The following CD86 variants were observed in gnomAD, a reference collection of about 807,000 sequenced individuals.
CD86 encodes CD86 molecule, also known as T-lymphocyte activation antigen CD86.
In CD86, 11 loss-of-function variants were observed where a neutral mutation model predicts 32.1. That is an observed-to-expected ratio of 0.34 (90% confidence interval 0.22 to 0.57). CD86 has a LOEUF of 0.57. CD86 is among the 20% of genes least tolerant of loss of function. The probability of loss-of-function intolerance (pLI) is 0.86; values close to 1 mark genes in which losing one functional copy is unlikely to be tolerated. For missense variants in CD86, 359 were observed against 398.4 expected (o/e 0.90, Z 0.84); for synonymous variants, 137 against 135.3 (o/e 1.01, Z -0.09).
At chr3:122,074,843 G>A (rs1364964463) in intron 1 of CD86, among the ~76,000 whole-genome samples, 1 of 152,104 alleles carries the variant, frequency 6.6e-6, no homozygotes, top group Non-Finnish European at 1.5e-5. Flanking sequence ...GGAGGAAGCA[G>A]CCCCACACAG....
chr3:122,105,153 C>T (rs1167960523), intron 3 of CD86, among the ~76,000 whole-genome samples: 1 of 152,130 alleles, frequency 6.6e-6, no homozygotes, highest in East Asian at 1.9e-4. Flanking sequence ...TGGTCAGGTA[C>T]CATTGGAAAT....
chr3:122,106,216 A>C lies in CD86; in HGVS notation c.419A>C (p.Glu140Ala), dbSNP rs1403330998. ...LSVLANFSQP[E>A]IVPISNITEN... is the part of the protein sequence containing the mutation. The stretch of plus-strand genomic sequence containing the variant: ...CTTTCAGCTAACTTCAGTCAACCTG[A>C]AATAGTACCAATTTCTAATATAACA... Residue 140 changes from glutamate to alanine, a missense_variant, in exon 4 of 7, where the codon GAA becomes GCA. Physicochemically the swap from Glu to Ala is moderately radical, Grantham distance 107 (BLOSUM62 -1). Coordinates refer to ENST00000330540, the MANE Select transcript of CD86 (RefSeq NM_175862.5). The C allele has an allele frequency of 6.2e-7, 1 of 1,607,384 alleles. No individual in the cohort carries two copies. Among genetic ancestry groups the C allele is most frequent in the South Asian group, 1.1e-5 (1 of 89,682 alleles).
intron 5 of CD86, among the ~76,000 whole-genome samples, chr3:122,116,096 T>A (rs2073246189): frequency 6.6e-6 from 1 of 152,162 alleles, no homozygotes; most frequent in African/African-American, 2.4e-5. Flanking sequence ...GTTAGGCAAG[T>A]CTTCTTAGAT....
chr3:122,104,890 T>C (rs1187785841), intron 3 of CD86, among the ~76,000 whole-genome samples: 7 of 152,196 alleles, frequency 4.6e-5, no homozygotes, highest in Admixed American at 6.5e-5. Context: ...AACGTTCATG[T>C]ACAGGTTTTT....
At chr3:122,071,306 CT>C (rs1181022784) in intron 1 of CD86, among the ~76,000 whole-genome samples, 1 of 152,148 alleles carries the variant, frequency 6.6e-6, no homozygotes, top group African/African-American at 2.4e-5. Flanking sequence ...TCCCCAACCC[CT>C]GGAAACCACT....
chr3:122,064,059 C>A (rs2072378681), intron 1 of CD86, among the ~76,000 whole-genome samples: 1 of 151,968 alleles, frequency 6.6e-6, no homozygotes, highest in Non-Finnish European at 1.5e-5. Flanking sequence ...GATGAATCAG[C>A]CAAACAAGAG....
chr3:122,059,535 C>CAAAAAAAAA (rs35060876), intron 1 of CD86, among the ~76,000 whole-genome samples: 1 of 67,960 alleles, frequency 1.5e-5, no homozygotes, highest in African/African-American at 6.0e-5. Flanking sequence ...GACTCCGTCT[C>CAAAAAAAAA]AAAAAAAAAA....
At chr3:122,055,569 T>G in intron 1 of CD86, 66 bp downstream of exon 1, 10 of 1,428,048 alleles carry the variant, frequency 7.0e-6, no homozygotes, top group African/African-American at 1.4e-5. Flanking sequence ...AGGCTGAGGT[T>G]GAAGATGGTG....
At chr3:122,110,536 A>G (rs1390895616) in intron 5 of CD86, among the ~76,000 whole-genome samples, 1 of 152,200 alleles carries the variant, frequency 6.6e-6, no homozygotes, top group Non-Finnish European at 1.5e-5. Context: ...TACTGATTTT[A>G]AAATCTAACT....
At chr3:122,108,877 C>T (rs2715259) in intron 4 of CD86, among the ~76,000 whole-genome samples, 136,639 of 152,198 alleles carry the variant, frequency 0.9, 61,662 homozygotes, top group East Asian at 1. Context: ...ACTTCAGGGC[C>T]TGGGAACTGA....
chr3:122,075,123 C>T (rs1037194819), intron 1 of CD86, among the ~76,000 whole-genome samples: 1 of 151,588 alleles, frequency 6.6e-6, no homozygotes, highest in Non-Finnish European at 1.5e-5. Context: ...TGGTCAGCAA[C>T]CCCCTGCAAC....
At chr3:122,081,461 A>T (rs2072632869) in intron 1 of CD86, among the ~76,000 whole-genome samples, 1 of 152,268 alleles carries the variant, frequency 6.6e-6, no homozygotes, top group African/African-American at 2.4e-5. Flanking sequence ...TTTGAGACCC[A>T]TTAAACAGAT....
Position 122,108,560 on chromosome 3 carries a change from C to T in CD86, c.704-705C>T, listed in dbSNP as rs1029398022. ...TTCCCAAAAATGTCTTTAAAGTGGG[C>T]GACTCCGTTCTAAGTTTTCCCCACA... On this transcript the variant is annotated intron_variant, in intron 4 of 6. Transcript: ENST00000330540. Among the ~76,000 whole-genome samples the T allele has an allele frequency of 3.9e-5, 6 of 152,240 alleles. No individual in the cohort carries two copies. In the East Asian group the frequency reaches 5.8e-4, roughly 15 times the overall value.
intron 1 of CD86, among the ~76,000 whole-genome samples, chr3:122,083,813 T>G (rs940214297): frequency 6.6e-6 from 1 of 152,220 alleles, no homozygotes; most frequent in Non-Finnish European, 1.5e-5. Flanking sequence ...CCAAAAAATT[T>G]AAAATATTCG....
In CD86 at chr3:122,091,651, G is replaced by A; in HGVS notation, c.64+1G>A. 1 of 1,611,936 alleles carries A rather than the reference G, an allele frequency of 6.2e-7. No individual in the cohort carries two copies. Among genetic ancestry groups the A allele is most frequent in the Non-Finnish European group, 8.5e-7 (1 of 1,178,134 alleles). ...TTTGTGATGGCCTTCCTGCTCTCTG[G>A]TAAGAACCTTTCAGCTTTGTTAAGT... On this transcript the variant is annotated splice_donor_variant, in intron 2 of 6. Coordinates refer to ENST00000330540, the MANE Select transcript of CD86 (RefSeq NM_175862.5). LOFTEE classifies it high-confidence loss of function.
At chr3:122,115,509 C>G (rs916177804) in intron 5 of CD86, among the ~76,000 whole-genome samples, 4 of 151,902 alleles carry the variant, frequency 2.6e-5, no homozygotes, top group African/African-American at 9.6e-5. Context: ...AAATCTTACT[C>G]GAAAAGTTAT....
At chr3:122,055,620 C>A in intron 1 of CD86, 117 bp downstream of exon 1, 1 of 912,082 alleles carries the variant, frequency 1.1e-6, no homozygotes, top group Non-Finnish European at 1.8e-6. Context: ...AGTGGAGAAG[C>A]TTTCTTTTTC....
In CD86 at chr3:122,106,449, T is replaced by C; in HGVS notation, c.652T>C (p.Cys218Arg). The C allele has an allele frequency of 6.2e-7, 1 of 1,613,456 alleles. No homozygotes were observed. Among genetic ancestry groups the C allele is most frequent in the Non-Finnish European group, 8.5e-7 (1 of 1,179,538 alleles). Residue 218 changes from cysteine (C) to arginine (R), a missense_variant, in exon 4 of 7, where the codon TGT (cysteine) becomes CGT (arginine). Coordinates refer to ENST00000330540, the MANE Select transcript of CD86 (RefSeq NM_175862.5). Reference sequence around the variant, plus strand: ...TGTTACGAGCAATATGACCATCTTCTGTATTCTGGAAACTGACAAGACGCG... The same window carrying C: ...TGTTACGAGCAATATGACCATCTTCCGTATTCTGGAAACTGACAAGACGCG... Reference protein sequence around the residue: ...PDVTSNMTIFCILETDKTRLL... With the variant: ...PDVTSNMTIFRILETDKTRLL...
chr3:122,114,974 C>G (rs983766278), intron 5 of CD86, among the ~76,000 whole-genome samples: 1 of 152,188 alleles, frequency 6.6e-6, no homozygotes, highest in South Asian at 2.1e-4. Flanking sequence ...GGGAGGATGT[C>G]TACTCTCTCT....
Sources: allele counts gnomAD v4.1 joint callset (sites outside exome capture counted in the v4.1 genomes callset), GRCh38; gene constraint gnomAD v4.1.1; transcripts MANE v1.5; gene names NCBI Gene and HGNC (gene_info 2026-07-23, HGNC 2026-07-21).